The following PTGER3 variants were observed in gnomAD, a reference collection of about 807,000 sequenced individuals.
The protein encoded by PTGER3 is prostaglandin E2 receptor EP3 subtype.
Under a neutral mutation model 34.7 loss-of-function variants are expected in PTGER3, and 22 were observed. The ratio of observed to expected loss-of-function variants is 0.63; its 90% confidence interval spans 0.45 to 0.91. The LOEUF is 0.91. Among genes scored for constraint, PTGER3 ranks in the 40% least tolerant of loss-of-function variants. The pLI, the probability that PTGER3 is intolerant of heterozygous loss-of-function variation, is 0.00. For synonymous variants in PTGER3, 241 were observed against 230.1 expected (o/e 1.05, Z -0.43); for missense variants, 468 against 519.4 (o/e 0.90, Z 0.96).
chr1:70,979,463 T>A (rs1654040737), intron 2 of PTGER3, among the ~76,000 whole-genome samples: 1 of 145,866 alleles, frequency 6.9e-6, no homozygotes, highest in South Asian at 2.3e-4. Context: ...CAGACAGATT[T>A]GTCACTTCAG....
rs768691479 is a variant in PTGER3, at chr1:70,864,074, A to G, written c.*24-11215T>C. ...AGCAATAATCCAGACACAGGGAACT[A>G]AAAATCTACATGTTAAATTTCTTCC... On this transcript the variant is annotated intron_variant, in intron 4 of 4. Transcript: ENST00000370931. Among the ~76,000 whole-genome samples, 56 of 152,324 alleles carry G rather than the reference A, an allele frequency of 3.7e-4. No homozygotes were observed. The Middle Eastern group carries it at 0.01, about 28-fold the overall frequency.
intron 4 of PTGER3, among the ~76,000 whole-genome samples, chr1:70,935,533 T>C (rs1402099914): frequency 6.6e-6 from 1 of 152,016 alleles, no homozygotes; most frequent in African/African-American, 2.4e-5. Flanking sequence ...GTATGTAAGT[T>C]CACATTCCTT....
At chr1:70,953,801 T>G in intron 2 of PTGER3, 1 of 1,277,798 alleles carries the variant, frequency 7.8e-7, no homozygotes, top group Non-Finnish European at 1.1e-6. Context: ...TGAAAAAGAG[T>G]AATAACAGTA....
chr1:70,856,595 C>T (rs1645811518), intron 4 of PTGER3, among the ~76,000 whole-genome samples: 1 of 151,992 alleles, frequency 6.6e-6, no homozygotes, highest in Non-Finnish European at 1.5e-5. Context: ...AATTTTATAC[C>T]AACTCTTTAT....
chr1:70,882,239 C>T (rs564406488), intron 4 of PTGER3, among the ~76,000 whole-genome samples: 95 of 152,292 alleles, frequency 6.2e-4, no homozygotes, highest in Non-Finnish European at 1.1e-3. Flanking sequence ...GTGGTGTCAC[C>T]CACCCTACCA....
At chr1:70,938,620 A>T (rs1649465868) in intron 4 of PTGER3, among the ~76,000 whole-genome samples, 1 of 152,096 alleles carries the variant, frequency 6.6e-6, no homozygotes, top group Admixed American at 6.6e-5. Flanking sequence ...ATGGCTGGGG[A>T]GGCTTCAGAA....
chr1:71,007,093 A>G (rs1557734651), intron 2 of PTGER3: 1 of 984,910 alleles, frequency 1.0e-6, no homozygotes, highest in Non-Finnish European at 1.2e-6. Context: ...AGGTGATAAA[A>G]GAGACTTTTC....
chr1:71,020,824 A>G (rs1243341881), intron 1 of PTGER3, among the ~76,000 whole-genome samples: 4 of 152,032 alleles, frequency 2.6e-5, no homozygotes, highest in Admixed American at 1.3e-4. Context: ...GTCTGACTCA[A>G]TTCTGCTTCT....
intron 4 of PTGER3, among the ~76,000 whole-genome samples, chr1:70,860,929 G>T (rs1170645426): frequency 1.3e-5 from 2 of 152,172 alleles, no homozygotes; most frequent in Admixed American, 6.5e-5. Context: ...TACACAGTCT[G>T]TTAGGGAACA....
chr1:71,046,947 T>C lies in PTGER3; in HGVS notation c.631A>G (p.Ser211Gly). The C allele has an allele frequency of 6.2e-7, 1 of 1,608,558 alleles. No individual in the cohort carries two copies. Among genetic ancestry groups the C allele is most frequent in the Non-Finnish European group, 8.5e-7 (1 of 1,177,800 alleles). ...GTCCCGTTGCCCCCTCGCCCGGTGC[T>C]GATGAAGCACCACGTCCCGGGCCAC... is the stretch of plus-strand genomic sequence containing the variant. ...VQWPGTWCFI[S>G]TGRGGNGTSS... The change falls in exon 1 of 4, where the codon AGC becomes GGC. Residue 211 changes from serine (S) to glycine (G), a missense_variant. By Grantham distance (56) the Ser-to-Gly change is moderately conservative (BLOSUM62 0). This residue lies in a region of PTGER3 where 204 missense variants were observed against 230.8 expected (regional missense o/e 0.88). Transcript: ENST00000306666.
At chr1:70,864,651 G>A (rs979175155) in intron 4 of PTGER3, among the ~76,000 whole-genome samples, 1 of 152,136 alleles carries the variant, frequency 6.6e-6, no homozygotes, top group African/African-American at 2.4e-5. Context: ...CCCTCAAATC[G>A]AGATGCTCAC....
intron 4 of PTGER3, among the ~76,000 whole-genome samples, chr1:70,942,533 T>A (rs1485615056): frequency 6.6e-6 from 1 of 152,212 alleles, no homozygotes; most frequent in Non-Finnish European, 1.5e-5. Context: ...CTTGCATTTA[T>A]ACCTTTGTTC....
At chr1:70,990,983 G>C (rs1211673981) in intron 2 of PTGER3, among the ~76,000 whole-genome samples, 1 of 152,136 alleles carries the variant, frequency 6.6e-6, no homozygotes, top group Non-Finnish European at 1.5e-5. Context: ...TTATTGTTGA[G>C]AACTGCCTTC....
chr1:70,930,243 G>T (rs773184821), intron 4 of PTGER3, among the ~76,000 whole-genome samples: 1 of 152,280 alleles, frequency 6.6e-6, no homozygotes, highest in Middle Eastern at 3.4e-3. Flanking sequence ...AGCAGACTCC[G>T]TCCTACTGAC....
intron 1 of PTGER3, among the ~76,000 whole-genome samples, chr1:71,027,824 A>T (rs1270666888): frequency 6.6e-6 from 1 of 152,222 alleles, no homozygotes; most frequent in African/African-American, 2.4e-5. Flanking sequence ...AAAATTATTA[A>T]TGCAATATTT....
chr1:71,011,413 A>G (rs1182101375), intron 2 of PTGER3: 1 of 985,182 alleles, frequency 1.0e-6, no homozygotes, highest in Non-Finnish European at 1.2e-6. Flanking sequence ...ATATATATTC[A>G]GAGTACCTAT....
At chr1:70,960,528 C>A (rs1277602584) in intron 2 of PTGER3, among the ~76,000 whole-genome samples, 1 of 152,032 alleles carries the variant, frequency 6.6e-6, no homozygotes, top group African/African-American at 2.4e-5. Context: ...AATATTATAG[C>A]AGATCTCTGG....
intron 2 of PTGER3, among the ~76,000 whole-genome samples, chr1:70,980,274 G>C (rs1356060556): frequency 1.3e-5 from 2 of 152,162 alleles, no homozygotes; most frequent in Non-Finnish European, 2.9e-5. Context: ...CTTCGACATA[G>C]TTTGGGGGGA....
At chr1:70,987,247 C>G (rs1056540248) in intron 2 of PTGER3, among the ~76,000 whole-genome samples, 5 of 152,114 alleles carry the variant, frequency 3.3e-5, no homozygotes, top group Admixed American at 6.5e-5. Flanking sequence ...CAAATAAGAA[C>G]AGCCATTCTA....
Sources: allele counts gnomAD v4.1 joint callset (sites outside exome capture counted in the v4.1 genomes callset), GRCh38; gene constraint gnomAD v4.1.1; regional missense constraint gnomAD v4.1.1; transcripts MANE v1.5; gene names NCBI Gene and HGNC (gene_info 2026-07-23, HGNC 2026-07-21).